The following DCLRE1C variants were observed in gnomAD, a reference collection of about 807,000 sequenced individuals.
DCLRE1C encodes the protein protein artemis.
A neutral mutation model predicts 61.4 loss-of-function variants in DCLRE1C; 47 were observed. The observed-to-expected ratio is 0.77, with a 90% CI of 0.61 to 0.98. The LOEUF (loss-of-function observed/expected upper bound fraction) is 0.98, where lower values mean the gene tolerates loss of function less well. Ranked by LOEUF, DCLRE1C falls within the 50% of genes least tolerant of loss-of-function variation. The probability of loss-of-function intolerance (pLI) is 0.00; values close to 1 mark genes in which losing one functional copy is unlikely to be tolerated. For synonymous variants in DCLRE1C, 337 were observed against 287.6 expected (o/e 1.17, Z -1.74); for missense variants, 858 against 816.0 (o/e 1.05, Z -0.63).
chr10:14,932,226 T>G (rs1371756669), intron 9 of DCLRE1C, among the ~76,000 whole-genome samples: 1 of 151,606 alleles, frequency 6.6e-6, no homozygotes, highest in Non-Finnish European at 1.5e-5. Context: ...TGTCTCGAAA[T>G]ATATAAATAC....
At chr10:14,927,651 T>C (rs1838249268) in intron 10 of DCLRE1C, among the ~76,000 whole-genome samples, 1 of 151,296 alleles carries the variant, frequency 6.6e-6, no homozygotes, top group African/African-American at 2.4e-5. Flanking sequence ...TTGCAGAAAT[T>C]TTAAACAGCC....
At chr10:14,899,139 G>A (rs1833812168) in exon 14 of DCLRE1C, 1 of 684,430 alleles carries the variant, frequency 1.5e-6, no homozygotes, top group African/African-American at 1.8e-5. Context: ...GGGCAACATA[G>A]TGAGACCCCA....
At chr10:14,917,324 A>G (rs1836354464) in intron 13 of DCLRE1C, among the ~76,000 whole-genome samples, 1 of 152,168 alleles carries the variant, frequency 6.6e-6, no homozygotes, top group Admixed American at 6.5e-5. Context: ...GAAAATATTT[A>G]TGCCTTTGGG....
At chr10:14,950,381 A>G (rs1842291184) in intron 1 of DCLRE1C, among the ~76,000 whole-genome samples, 1 of 151,468 alleles carries the variant, frequency 6.6e-6, no homozygotes, top group Middle Eastern at 3.4e-3. Context: ...AAAAAACAAG[A>G]ACAATAAATT....
At chr10:14,945,458 C>G in intron 2 of DCLRE1C, 2 of 1,179,108 alleles carry the variant, frequency 1.7e-6, no homozygotes, top group South Asian at 3.7e-5. Context: ...TTCAGTGCCA[C>G]CAAGAGCACA....
In DCLRE1C at chr10:14,947,168, C is replaced by T. The variant is rs41304340; in HGVS notation, c.161+1868G>A. 2.8e-4 allele frequency among the ~76,000 whole-genome samples: 43 copies of T among 152,204 alleles called. No homozygotes were observed. In the South Asian group the frequency reaches 6.8e-3, roughly 24 times the overall value. ...CAGAGATTGCAGTGAGCCAACATCA[C>T]GCTACTGCACTCCTGCCTGGGCAGC... On this transcript the variant is annotated intron_variant, in intron 2 of 13. Coordinates refer to ENST00000378278, the MANE Select transcript of DCLRE1C (RefSeq NM_001033855.3).
At chr10:14,926,761 G>T in intron 11 of DCLRE1C, 82 bp downstream of exon 11, 2 of 1,086,826 alleles carry the variant, frequency 1.8e-6, no homozygotes, top group South Asian at 1.3e-5. Context: ...AGATGCTTCT[G>T]AGAGTCAGGG....
At chr10:14,919,547 G>T (rs2130739198) in intron 13 of DCLRE1C, among the ~76,000 whole-genome samples, 191 bp downstream of exon 13, 1 of 152,298 alleles carries the variant, frequency 6.6e-6, no homozygotes. Flanking sequence ...ACCCAGAGAA[G>T]GAGAGCAGAC....
chr10:14,936,421 T>G, intron 5 of DCLRE1C, 117 bp downstream of exon 5: 2 of 778,860 alleles, frequency 2.6e-6, no homozygotes, highest in Non-Finnish European at 4.4e-6. Flanking sequence ...GCACTGGGAT[T>G]ACAGACATGT....
downstream of DCLRE1C, chr10:14,901,075 T>C: frequency 6.3e-7 from 1 of 1,583,600 alleles, no homozygotes; most frequent in East Asian, 2.3e-5. Flanking sequence ...TTATATGGCA[T>C]GTAGAAGGGC....
In DCLRE1C at chr10:14,908,510, A is replaced by C; in HGVS notation, c.1977T>G (p.Ala659=). 6.2e-7 allele frequency: 1 copy of C among 1,614,076 alleles called. No homozygotes were observed. The highest frequency in any genetic ancestry group is 8.5e-7 in the Non-Finnish European group (1 of 1,179,998). The change falls in exon 14 of 14, where the codon GCT becomes GCG. Residue 659 remains alanine, a synonymous_variant. Transcript: ENST00000378278. ...SDFEVPSTPE[A]ELPKREHLQY... ...GTAAATGCTCTCGTTTAGGTAACTC[A>C]GCTTCTGGAGTTGAGGGAACTTCAA...
rs571426814 is a variant in DCLRE1C at position 14,914,971 on chromosome 10, C to T, written c.1156+4767G>A. On this transcript the variant is annotated intron_variant, in intron 13 of 13. Coordinates refer to ENST00000378278, the MANE Select transcript of DCLRE1C (RefSeq NM_001033855.3). ...AAAAAAAAATCATACAAAGTATGTT[C>T]TCTAACCACAATAACATTAATTTAG... Among the ~76,000 whole-genome samples the T allele has an allele frequency of 4.0e-5, 6 of 151,644 alleles. No homozygotes were observed. In the South Asian group the frequency reaches 1.0e-3, roughly 26 times the overall value.
intron 13 of DCLRE1C, among the ~76,000 whole-genome samples, chr10:14,910,900 T>A (rs1008493248): frequency 6.6e-6 from 1 of 152,150 alleles, no homozygotes; most frequent in African/African-American, 2.4e-5. Flanking sequence ...AGTCCTATGA[T>A]TGCCTGACTC....
intron 8 of DCLRE1C, among the ~76,000 whole-genome samples, chr10:14,934,015 G>A (rs1452138203): frequency 6.6e-6 from 1 of 152,090 alleles, no homozygotes; most frequent in African/African-American, 2.4e-5. Flanking sequence ...GAGCTGGGAG[G>A]ATGGAAGGGA....
chr10:14,931,923 A>T (rs1839064690), intron 9 of DCLRE1C, among the ~76,000 whole-genome samples: 1 of 152,104 alleles, frequency 6.6e-6, no homozygotes, highest in African/African-American at 2.4e-5. Flanking sequence ...AATCCCAGCT[A>T]CATAGGAGGC....
At chr10:14,943,356 G>A (rs888806078) in intron 3 of DCLRE1C, among the ~76,000 whole-genome samples, 6 of 152,078 alleles carry the variant, frequency 3.9e-5, no homozygotes, top group African/African-American at 7.2e-5. Context: ...CCTTTTAACA[G>A]TGACACCCTC....
rs55703750 is a variant in DCLRE1C at position 14,944,447 on chromosome 10, C to T, written c.246+658G>A. On this transcript the variant is annotated intron_variant, in intron 3 of 13. Coordinates refer to ENST00000378278, the MANE Select transcript of DCLRE1C (RefSeq NM_001033855.3). ...CCAGGAGGCAGAGGTTGCAGTGAGC[C>T]GAGTTTGAGCCACTGCACTCCAGCC... is the stretch of plus-strand genomic sequence containing the variant. Among the ~76,000 whole-genome samples, 10 of 151,854 alleles carry T rather than the reference C, an allele frequency of 6.6e-5. No individual in the cohort carries two copies. In the East Asian group the frequency reaches 9.7e-4, roughly 15 times the overall value.
chr10:14,946,495 G>A (rs971597106), intron 2 of DCLRE1C, among the ~76,000 whole-genome samples: 1 of 152,160 alleles, frequency 6.6e-6, no homozygotes, highest in Non-Finnish European at 1.5e-5. Flanking sequence ...AACCTGGGCA[G>A]TTTTCTGTAA....
intron 12 of DCLRE1C, among the ~76,000 whole-genome samples, chr10:14,921,283 GCACTC>G (rs1837072384): frequency 6.6e-6 from 1 of 151,822 alleles, no homozygotes; most frequent in South Asian, 2.1e-4. Context: ...TCGCGCCACT[GCACTC>G]CAACCTGGGT....
Sources: gnomAD v4.1 joint callset for allele counts (sites outside exome capture counted in the v4.1 genomes callset) on GRCh38, gnomAD v4.1.1 for gene constraint, MANE v1.5 for transcripts, NCBI Gene and HGNC (gene_info 2026-07-23, HGNC 2026-07-21) for gene names.